TTLL5: variants seen among roughly 807,000 people sequenced by gnomAD.
The protein encoded by TTLL5 is tubulin polyglutamylase TTLL5.
A neutral mutation model predicts 168.4 loss-of-function variants in TTLL5; 132 were observed. The observed-to-expected ratio is 0.78, with a 90% CI of 0.68 to 0.91. The LOEUF (loss-of-function observed/expected upper bound fraction) is 0.91, where lower values mean the gene tolerates loss of function less well. Ranked by LOEUF, TTLL5 falls within the 40% of genes least tolerant of loss-of-function variation. The pLI is 0.00. For missense variants in TTLL5, 1,545 were observed against 1,581.5 expected (o/e 0.98, Z 0.39); for synonymous variants, 546 against 558.6 (o/e 0.98, Z 0.32).
chr14:75,696,122 T>A (rs1435855204), intron 6 of TTLL5, among the ~76,000 whole-genome samples: 1 of 152,004 alleles, frequency 6.6e-6, no homozygotes, highest in Non-Finnish European at 1.5e-5. Context: ...ACTCCTGGCC[T>A]CAAGGGATCC....
rs771873622 is a variant in TTLL5, at chr14:75,683,697, A to G, written c.371+41A>G. 41 of 1,509,630 alleles carry G rather than the reference A, an allele frequency of 2.7e-5. No homozygotes were observed. Among genetic ancestry groups the G allele is most frequent in the Non-Finnish European group, 3.2e-5 (35 of 1,085,746 alleles). 93.5% of individuals were successfully genotyped at this position (1,509,630 alleles called of 1,614,324 possible). A position where few individuals can be genotyped will look rare whatever the true frequency, so the allele number is the denominator to read the frequency against. ...GCTGCTTTGCTTCATTTAAAGGTAC[A>G]TGACATTGGGGCATGTAGCCAGCAA... On this transcript the variant is annotated intron_variant, in intron 5 of 31. Transcript: ENST00000298832.
At chr14:75,844,160 C>A in intron 28 of TTLL5, among the ~76,000 whole-genome samples, 1 of 152,046 alleles carries the variant, frequency 6.6e-6, no homozygotes. Flanking sequence ...GGATTACAGA[C>A]GTGAGCCGCC....
intron 16 of TTLL5, 74 bp downstream of exon 16, chr14:75,745,282 A>G (rs1322478599): frequency 1.4e-5 from 20 of 1,411,114 alleles, no homozygotes; most frequent in Non-Finnish European, 1.9e-5. Flanking sequence ...GATTGATAAT[A>G]TTCATGACAA....
chr14:75,807,563 C>T lies in TTLL5; in HGVS notation c.3172-12444C>T, dbSNP rs549822617. 7.2e-5 allele frequency among the ~76,000 whole-genome samples: 11 copies of T among 152,312 alleles called. 1 individual carries two copies. The South Asian group carries it at 2.1e-3, about 29-fold the overall frequency. On this transcript the variant is annotated intron_variant, in intron 27 of 31. Transcript: ENST00000298832. Reference sequence around the variant, plus strand: ...GACTTTATATGCATTATCTCTTTAACCCTAATGAGGTGTAGGTACTTACTT... The same window carrying T: ...GACTTTATATGCATTATCTCTTTAATCCTAATGAGGTGTAGGTACTTACTT...
intron 31 of TTLL5, among the ~76,000 whole-genome samples, chr14:75,927,537 A>G (rs1274221531): frequency 6.6e-6 from 1 of 152,222 alleles, no homozygotes; most frequent in Non-Finnish European, 1.5e-5. Flanking sequence ...CACATCTTAG[A>G]TGGACAAATT....
At chr14:75,680,327 C>T (rs1042687650) in intron 3 of TTLL5, among the ~76,000 whole-genome samples, 1 of 152,096 alleles carries the variant, frequency 6.6e-6, no homozygotes. Context: ...TGTGGCCTGT[C>T]CTGAATGGGG....
chr14:75,820,440 G>C (rs1894759639), intron 28 of TTLL5, among the ~76,000 whole-genome samples: 1 of 151,904 alleles, frequency 6.6e-6, no homozygotes, highest in Non-Finnish European at 1.5e-5. Flanking sequence ...CTTGCTTATA[G>C]TCATCATTTT....
At chr14:75,855,243 C>T (rs528105011) in intron 28 of TTLL5, among the ~76,000 whole-genome samples, 139 of 151,456 alleles carry the variant, frequency 9.2e-4, no homozygotes, top group Non-Finnish European at 1.7e-3. Flanking sequence ...TTATTGTGAT[C>T]GCTTTGAATC....
chr14:75,940,251 T>G (rs2140191232), intron 31 of TTLL5, among the ~76,000 whole-genome samples: 1 of 152,030 alleles, frequency 6.6e-6, no homozygotes, highest in African/African-American at 2.4e-5. Context: ...GCTAATTTTT[T>G]TGTATTTTTA....
At chr14:75,940,203 C>T (rs900273030) in intron 31 of TTLL5, among the ~76,000 whole-genome samples, 1 of 150,780 alleles carries the variant, frequency 6.6e-6, no homozygotes, top group Admixed American at 6.6e-5. Context: ...CTCAGCCTCC[C>T]GAGTAGCTGG....
chr14:75,673,200 C>G (rs1476059149), intron 3 of TTLL5, among the ~76,000 whole-genome samples: 1 of 152,190 alleles, frequency 6.6e-6, no homozygotes, highest in African/African-American at 2.4e-5. Context: ...CCTCCCAGCT[C>G]AGTCTCCTAA....
chr14:75,677,201 A>G (rs938533376), intron 3 of TTLL5, among the ~76,000 whole-genome samples: 8 of 152,150 alleles, frequency 5.3e-5, no homozygotes, highest in African/African-American at 1.9e-4. Context: ...ATAGCTTTAC[A>G]TGTATTAACT....
intron 31 of TTLL5, among the ~76,000 whole-genome samples, chr14:75,908,777 TG>T (rs1170045825): frequency 6.6e-6 from 1 of 152,094 alleles, no homozygotes; most frequent in Non-Finnish European, 1.5e-5. Context: ...ATTTTCTGTA[TG>T]TATATATATA....
At chr14:75,778,869 T>C (rs1271668284) in intron 23 of TTLL5, among the ~76,000 whole-genome samples, 1 of 152,242 alleles carries the variant, frequency 6.6e-6, no homozygotes, top group Admixed American at 6.5e-5. Context: ...GATTTAGAGA[T>C]GATATACTTT....
chr14:75,828,619 C>A (rs1004487990), intron 28 of TTLL5, among the ~76,000 whole-genome samples: 1 of 152,106 alleles, frequency 6.6e-6, no homozygotes, highest in Non-Finnish European at 1.5e-5. Flanking sequence ...GGGGTTGGCA[C>A]CCCAACCCCT....
At position 75,754,115 on chromosome 14, in the gene TTLL5, A is replaced by G. The variant is rs183342698; in HGVS notation, c.1550+1160A>G. Among the ~76,000 whole-genome samples, 36 of 152,238 alleles carry G rather than the reference A, an allele frequency of 2.4e-4. 1 individual carries two copies. In the East Asian group the frequency reaches 6.7e-3, roughly 29 times the overall value. On this transcript the variant is annotated intron_variant, in intron 18 of 31. Coordinates refer to ENST00000298832, the MANE Select transcript of TTLL5 (RefSeq NM_015072.5). ...TCTTCCAAAACTAAATTAATCTTCA[A>G]CCATATCTATATTGTTATTTATTTC...
At chr14:75,675,418 T>C (rs1469055782) in intron 3 of TTLL5, among the ~76,000 whole-genome samples, 1 of 152,208 alleles carries the variant, frequency 6.6e-6, no homozygotes, top group Non-Finnish European at 1.5e-5. Flanking sequence ...ATTGGTTTGT[T>C]TTCATTTGCT....
At chr14:75,824,032 G>A (rs1366980580) in intron 28 of TTLL5, among the ~76,000 whole-genome samples, 2 of 152,114 alleles carry the variant, frequency 1.3e-5, no homozygotes, top group African/African-American at 4.8e-5. Flanking sequence ...GGAGATTCAG[G>A]TCTCTAACTT....
chr14:75,792,734 G>A (rs2140351476), intron 26 of TTLL5, among the ~76,000 whole-genome samples, 182 bp from the exon 27 acceptor site: 1 of 152,274 alleles, frequency 6.6e-6, no homozygotes, highest in East Asian at 1.9e-4. Flanking sequence ...AATAGGAAGA[G>A]TTTCTAGGTT....
Sources: allele counts gnomAD v4.1 joint callset (sites outside exome capture counted in the v4.1 genomes callset), GRCh38; gene constraint gnomAD v4.1.1; transcripts MANE v1.5; gene names NCBI Gene and HGNC (gene_info 2026-07-23, HGNC 2026-07-21).